Variants in NRXN3 observed in about 807,000 individuals in gnomAD.
The protein encoded by NRXN3 is neurexin III.
NRXN3 carries 32 observed loss-of-function variants against 137.6 expected under a neutral mutation model. The observed-to-expected ratio is 0.23, with a 90% CI of 0.18 to 0.31. NRXN3 has a LOEUF of 0.31. NRXN3 is among the 10% of genes least tolerant of loss of function. NRXN3 has a pLI of 1.00. For missense variants in NRXN3, 1,574 were observed against 2,062.5 expected (o/e 0.76, Z 4.59); for synonymous variants, 798 against 784.5 (o/e 1.02, Z -0.29).
intron 4 of NRXN3, among the ~76,000 whole-genome samples, chr14:78,537,678 C>T (rs1357163460): frequency 6.6e-6 from 1 of 152,148 alleles, no homozygotes; most frequent in Non-Finnish European, 1.5e-5. Flanking sequence ...TCATGAAGTC[C>T]TTGCCCATGC....
chr14:79,069,205 G>T (rs899642973), intron 15 of NRXN3, among the ~76,000 whole-genome samples: 2 of 152,068 alleles, frequency 1.3e-5, no homozygotes, highest in African/African-American at 4.8e-5. Context: ...GGAAACACAT[G>T]AGAAGTTTAT....
intron 3 of NRXN3, among the ~76,000 whole-genome samples, chr14:78,289,953 C>T (rs865999595): frequency 2.7e-5 from 4 of 147,676 alleles, no homozygotes; most frequent in African/African-American, 8.0e-5. Context: ...AATGGTAGCT[C>T]TCATGTTCTT....
intron 1 of NRXN3, among the ~76,000 whole-genome samples, chr14:78,181,676 TGA>T (rs1426139813): frequency 6.6e-6 from 1 of 152,068 alleles, no homozygotes; most frequent in Non-Finnish European, 1.5e-5. Context: ...CCGCACAACT[TGA>T]GTGTTCAGGA....
At chr14:78,883,071 G>C (rs976254556) in intron 10 of NRXN3, among the ~76,000 whole-genome samples, 1 of 152,132 alleles carries the variant, frequency 6.6e-6, no homozygotes. Flanking sequence ...GGACATGTTT[G>C]CTTCCCCTTC....
intron 10 of NRXN3, among the ~76,000 whole-genome samples, chr14:78,896,574 A>C (rs2099175596): frequency 1.3e-5 from 2 of 151,802 alleles, no homozygotes; most frequent in Non-Finnish European, 2.9e-5. Context: ...AGATTGGTTG[A>C]GAATTGAGGG....
chr14:79,366,433 C>T lies in NRXN3; in HGVS notation c.3263-100788C>T, dbSNP rs560791229. On this transcript the variant is annotated intron_variant, in intron 15 of 20. Transcript: ENST00000335750. The stretch of plus-strand genomic sequence containing the variant: ...TTCATTCTATCAATGTTTTTGCACC[C>T]GCTAACTGTCTCTACCTTTCCCTTC... Among the ~76,000 whole-genome samples the T allele has an allele frequency of 3.9e-5, 6 of 152,250 alleles. No individual in the cohort carries two copies. The South Asian group carries it at 8.3e-4, about 21-fold the overall frequency.
intron 10 of NRXN3, among the ~76,000 whole-genome samples, chr14:78,848,730 AGATCTCGAGAATATTTATTT>A: frequency 6.6e-6 from 1 of 152,260 alleles, no homozygotes; most frequent in African/African-American, 2.4e-5. Flanking sequence ...TGTGGGATTC[AGATCTCGAGAATATTTATTT>A]AGTGAGAGGG....
rs80091928 is a variant in NRXN3 at position 79,740,129 on chromosome 14, T to C, written c.4014+42192T>C. On this transcript the variant is annotated intron_variant, in intron 19 of 20. Coordinates refer to ENST00000335750, the MANE Select transcript of NRXN3 (RefSeq NM_001330195.2). Reference sequence around the variant, plus strand: ...GTCCTCTAGCCCCTGAGCTGAAACCTTGGAATCATCTTTCACTCCTCCCTC... The same window carrying C: ...GTCCTCTAGCCCCTGAGCTGAAACCCTGGAATCATCTTTCACTCCTCCCTC... Among the ~76,000 whole-genome samples, 483 of 152,304 alleles carry C rather than the reference T, an allele frequency of 3.2e-3. 13 individuals carry two copies. The East Asian group carries it at 0.082, about 26-fold the overall frequency.
chr14:79,347,788 G>C lies in NRXN3; in HGVS notation c.3263-119433G>C, dbSNP rs548105386. On this transcript the variant is annotated intron_variant, in intron 15 of 20. Coordinates refer to ENST00000335750, the MANE Select transcript of NRXN3 (RefSeq NM_001330195.2). The stretch of plus-strand genomic sequence containing the variant: ...GACACAGAAATGCTGATAGGAAAAG[G>C]TGATGAACTCATACACACTAAAAAT... Among the ~76,000 whole-genome samples the C allele has an allele frequency of 2.6e-5, 4 of 152,262 alleles. No individual in the cohort carries two copies. The East Asian group carries it at 5.8e-4, about 22-fold the overall frequency.
chr14:79,768,470 C>A (rs1240695273), intron 19 of NRXN3, among the ~76,000 whole-genome samples: 2 of 152,160 alleles, frequency 1.3e-5, no homozygotes, highest in Non-Finnish European at 2.9e-5. Flanking sequence ...TGACCCCTGA[C>A]CCCCGAGCAG....
At chr14:79,485,892 T>C (rs1212794839) in intron 16 of NRXN3, among the ~76,000 whole-genome samples, 2 of 152,188 alleles carry the variant, frequency 1.3e-5, no homozygotes, top group African/African-American at 4.8e-5. Flanking sequence ...GAGAGAATTC[T>C]GGCTTCCATT....
At chr14:78,733,836 C>G (rs1012016897) in intron 8 of NRXN3, among the ~76,000 whole-genome samples, 2 of 152,104 alleles carry the variant, frequency 1.3e-5, no homozygotes, top group Admixed American at 6.5e-5. Flanking sequence ...ATATGACATG[C>G]ACTATGATAA....
At chr14:79,177,714 G>A (rs1161284387) in intron 15 of NRXN3, among the ~76,000 whole-genome samples, 1 of 152,120 alleles carries the variant, frequency 6.6e-6, no homozygotes, top group Non-Finnish European at 1.5e-5. Flanking sequence ...TTTGAGGAGT[G>A]GGTGAATTTC....
chr14:78,452,556 C>T (rs1334138615), intron 4 of NRXN3, among the ~76,000 whole-genome samples: 1 of 152,130 alleles, frequency 6.6e-6, no homozygotes, highest in African/African-American at 2.4e-5. Flanking sequence ...TTTAATTTTT[C>T]CCACATTATT....
At chr14:79,721,843 T>G (rs2098845616) in intron 19 of NRXN3, among the ~76,000 whole-genome samples, 1 of 152,080 alleles carries the variant, frequency 6.6e-6, no homozygotes, top group Non-Finnish European at 1.5e-5. Flanking sequence ...TAGGGTGTGG[T>G]AGCATGAAGT....
At chr14:79,846,793 G>T (rs955384561) in intron 20 of NRXN3, among the ~76,000 whole-genome samples, 2 of 152,038 alleles carry the variant, frequency 1.3e-5, no homozygotes, top group Admixed American at 6.5e-5. Context: ...GTGTCTTCTT[G>T]CTTACTTTTA....
intron 20 of NRXN3, among the ~76,000 whole-genome samples, chr14:79,807,671 G>A (rs2099213553): frequency 6.6e-6 from 1 of 152,166 alleles, no homozygotes; most frequent in African/African-American, 2.4e-5. Flanking sequence ...GTTGTGTTCT[G>A]TAAGGGAGCA....
chr14:78,173,774 G>A (rs2058998355), intron 1 of NRXN3, among the ~76,000 whole-genome samples: 2 of 126,236 alleles, frequency 1.6e-5, no homozygotes, highest in Admixed American at 9.5e-5. Flanking sequence ...CACGGATGCA[G>A]CCTTCTGATA....
At chr14:78,720,951 C>T (rs1275796522) in intron 8 of NRXN3, among the ~76,000 whole-genome samples, 1 of 152,110 alleles carries the variant, frequency 6.6e-6, no homozygotes, top group East Asian at 1.9e-4. Context: ...GCTTTGTGAG[C>T]TGATGAGGAT....
Sources: gnomAD v4.1 joint callset for allele counts (sites outside exome capture counted in the v4.1 genomes callset) on GRCh38, gnomAD v4.1.1 for gene constraint, MANE v1.5 for transcripts, NCBI Gene and HGNC (gene_info 2026-07-23, HGNC 2026-07-21) for gene names.